The following LOXHD1 variants were observed in gnomAD, a reference collection of about 807,000 sequenced individuals.
LOXHD1 encodes lipoxygenase homology PLAT domains 1.
LOXHD1 carries 205 observed loss-of-function variants against 248.2 expected under a neutral mutation model. The observed-to-expected ratio is 0.83, with a 90% CI of 0.74 to 0.93. The LOEUF is 0.93. LOXHD1 is among the 40% of genes least tolerant of loss of function. The pLI is 0.00. For synonymous variants in LOXHD1, 1,113 were observed against 1,162.8 expected (o/e 0.96, Z 0.87); for missense variants, 2,930 against 2,971.6 (o/e 0.99, Z 0.33).
rs955382829 is a variant in LOXHD1, at chr18:46,524,481, C to G, written c.4861G>C (p.Val1621Leu). 3 of 1,551,404 alleles carry G rather than the reference C, an allele frequency of 1.9e-6. No homozygotes were observed. The East Asian group carries it at 7.3e-5, about 38-fold the overall frequency. The part of the protein sequence containing the change: ...STVTGPMADY[V>L]QEGPIIPYYV... ...GTTGGCTTACTTGGGCCCTCTTGAA[C>G]GTAGTCAGCCATGGGCCCGGTCACT... Residue 1621 changes from valine (V) to leucine (L), a missense_variant, in exon 31 of 41, where the codon GTT (valine) becomes CTT (leucine). Physicochemically the swap from Val to Leu is conservative, Grantham distance 32. Transcript: ENST00000642948.
chr18:46,647,532 C>T (rs1391416953), intron 2 of LOXHD1, among the ~76,000 whole-genome samples: 1 of 152,212 alleles, frequency 6.6e-6, no homozygotes, highest in African/African-American at 2.4e-5. Context: ...CTCCCTACAG[C>T]AGTGCACTCT....
At chr18:46,518,716 AGAGT>A (rs1488387404) in intron 33 of LOXHD1, among the ~76,000 whole-genome samples, 2 of 152,258 alleles carry the variant, frequency 1.3e-5, no homozygotes, top group African/African-American at 2.4e-5. Flanking sequence ...GCTCCCTTGC[AGAGT>A]GAGAGCTGCT....
rs1242829803 is a variant in LOXHD1, at chr18:46,560,721, GTCC to G, written c.2599-179_2599-177del. On this transcript the variant is annotated intron_variant, in intron 18 of 40. Transcript: ENST00000642948. ...CACCTCCCTCTCTCCGGCCACACCT[GTCC>G]TGGGTCCCCTGGGATTACCTGGCCC... Among the ~76,000 whole-genome samples, 12 of 152,286 alleles carry G rather than the reference GTCC, an allele frequency of 7.9e-5. No homozygotes were observed. The East Asian group carries it at 2.3e-3, about 29-fold the overall frequency.
intron 17 of LOXHD1, among the ~76,000 whole-genome samples, chr18:46,564,339 C>T (rs530571318): frequency 3.3e-5 from 5 of 152,144 alleles, no homozygotes; most frequent in Admixed American, 6.5e-5. Flanking sequence ...GCCTGGGCAA[C>T]ACAACAAGAT....
In LOXHD1 at chr18:46,477,452, A is replaced by C. The variant is rs1258082961; in HGVS notation, c.*20T>G. 1 of 1,540,380 alleles carries C rather than the reference A, an allele frequency of 6.5e-7. No individual in the cohort carries two copies. ...TGTGAGATTGGGGCATCTCAGTGAG[A>C]GGGTGGGGGCCCTAGCCCCTCAGAC... is the stretch of plus-strand genomic sequence containing the variant. On this transcript the variant is annotated 3_prime_UTR_variant, in exon 41 of 41. Coordinates refer to ENST00000642948, the MANE Select transcript of LOXHD1 (RefSeq NM_001384474.1).
At position 46,521,259 on chromosome 18, in the gene LOXHD1, A is replaced by C. The variant is rs373529678; in HGVS notation, c.5109T>G (p.Pro1703=). ...KIELGHDGAS[P]ESCWLVEELC... ...ACTCTTCCACCAGCCAGCAGCTCTC[A>C]GGGGAGGCCCCGTCATGGCCCAGCT... Residue 1703 remains proline (P), a synonymous_variant, in exon 33 of 41, where the codon CCT becomes CCG. Coordinates refer to ENST00000642948, the MANE Select transcript of LOXHD1 (RefSeq NM_001384474.1). The C allele has an allele frequency of 1.5e-5, 24 of 1,551,642 alleles. No individual in the cohort carries two copies. The African/African-American group carries it at 3.0e-4, about 19-fold the overall frequency.
At chr18:46,477,018 C>T (rs1225646189), downstream of LOXHD1, 2 of 613,240 alleles carry the variant, frequency 3.3e-6, no homozygotes, top group East Asian at 2.7e-5. Flanking sequence ...GTATACACTT[C>T]TTAGCAAGCA....
At chr18:46,584,094 A>G (rs919859841) in intron 12 of LOXHD1, among the ~76,000 whole-genome samples, 5 of 152,214 alleles carry the variant, frequency 3.3e-5, no homozygotes, top group African/African-American at 1.2e-4. Flanking sequence ...AATAAGCCAG[A>G]CGCAGAAAGA....
At chr18:46,508,695 G>A (rs995910952) in intron 35 of LOXHD1, among the ~76,000 whole-genome samples, 13 of 152,244 alleles carry the variant, frequency 8.5e-5, no homozygotes, top group African/African-American at 2.9e-4. Context: ...CTAGGACCTC[G>A]TGTGACACGG....
chr18:46,494,847 C>CTTT (rs1256277774), intron 37 of LOXHD1, among the ~76,000 whole-genome samples: 34 of 113,432 alleles, frequency 3.0e-4, no homozygotes, highest in Non-Finnish European at 5.0e-4. Flanking sequence ...TTTTCTCTCT[C>CTTT]TCTTTTTTTT....
chr18:46,508,540 A>G (rs542817591), intron 35 of LOXHD1, among the ~76,000 whole-genome samples: 1 of 152,286 alleles, frequency 6.6e-6, no homozygotes, highest in South Asian at 2.1e-4. Flanking sequence ...CGACACCTTC[A>G]CCTTGGACTT....
At chr18:46,519,094 G>A (rs1045887822) in intron 33 of LOXHD1, 2 of 985,376 alleles carry the variant, frequency 2.0e-6, no homozygotes, top group Admixed American at 6.1e-5. Flanking sequence ...CAGCCTCGTG[G>A]CAAGAGAAAG....
chr18:46,509,644 A>C, intron 35 of LOXHD1, 54 bp downstream of exon 35: 1 of 1,311,408 alleles, frequency 7.6e-7, no homozygotes, highest in Non-Finnish European at 1.1e-6. Context: ...CAGAGGAACC[A>C]GGGGAAGGGG....
chr18:46,538,128 C>A (rs761397485), intron 26 of LOXHD1, 28 bp downstream of exon 26: 1 of 1,518,568 alleles, frequency 6.6e-7, no homozygotes, highest in South Asian at 1.2e-5. Flanking sequence ...CCTACTCCAT[C>A]CCTGGACAGC....
chr18:46,493,785 T>G (rs1404584723), intron 37 of LOXHD1, among the ~76,000 whole-genome samples: 1 of 152,208 alleles, frequency 6.6e-6, no homozygotes, highest in African/African-American at 2.4e-5. Context: ...CCCTAGAGTT[T>G]AACATGCCAT....
chr18:46,616,837 T>C (rs1314394678), intron 5 of LOXHD1, among the ~76,000 whole-genome samples: 2 of 152,220 alleles, frequency 1.3e-5, no homozygotes, highest in African/African-American at 4.8e-5. Flanking sequence ...TCAATCTAAC[T>C]ATTGTTTTTA....
rs193022414 is a variant in LOXHD1 at position 46,500,379 on chromosome 18, A to T, written c.5878+5459T>A. On this transcript the variant is annotated intron_variant, in intron 37 of 40. Transcript: ENST00000642948. ...CAAATTAAACTCATCAAGATGAAGA[A>T]AGTTCTCCAGCATCCTCACCATTCT... Among the ~76,000 whole-genome samples the T allele has an allele frequency of 2.7e-3, 408 of 152,276 alleles. 4 individuals carry two copies. Among genetic ancestry groups the T allele is most frequent in the South Asian group, 4.4e-3 (21 of 4,826 alleles).
chr18:46,636,505 C>T (rs1380800151), intron 4 of LOXHD1, among the ~76,000 whole-genome samples: 1 of 152,224 alleles, frequency 6.6e-6, no homozygotes, highest in Non-Finnish European at 1.5e-5. Context: ...GTCAGTTGGT[C>T]AGCCTAGAAC....
chr18:46,612,175 T>TTTAG (rs1408730744), intron 5 of LOXHD1, among the ~76,000 whole-genome samples: 2 of 152,216 alleles, frequency 1.3e-5, no homozygotes, highest in Non-Finnish European at 2.9e-5. Context: ...TTTTTTGCTA[T>TTTAG]TGCAAGCAGC....
Sources: gnomAD v4.1 joint callset for allele counts (sites outside exome capture counted in the v4.1 genomes callset) on GRCh38, gnomAD v4.1.1 for gene constraint, MANE v1.5 for transcripts, NCBI Gene and HGNC (gene_info 2026-07-23, HGNC 2026-07-21) for gene names.